Variants in ST6GALNAC3 observed in about 807,000 individuals in gnomAD.
ST6GALNAC3 encodes alpha-N-acetylgalactosaminide alpha-2,6-sialyltransferase 3.
A neutral mutation model predicts 32.7 loss-of-function variants in ST6GALNAC3; 25 were observed. The ratio of observed to expected loss-of-function variants is 0.76; its 90% CI spans 0.56 to 1.07. The LOEUF (loss-of-function observed/expected upper bound fraction) is 1.07. ST6GALNAC3 is among the 50% of genes least tolerant of loss of function. ST6GALNAC3 has a pLI of 0.00. For missense variants in ST6GALNAC3, 355 were observed against 382.4 expected, an observed-to-expected ratio of 0.93 and a Z score of 0.60; for synonymous variants, 129 against 133.1, an observed-to-expected ratio of 0.97 and a Z score of 0.21.
At chr1:76,156,128 G>T (rs1053620873) in intron 1 of ST6GALNAC3, among the ~76,000 whole-genome samples, 2 of 151,982 alleles carry the variant, frequency 1.3e-5, no homozygotes, top group African/African-American at 2.4e-5. Flanking sequence ...ATTAGACTGG[G>T]GTTATGGGTT....
intron 3 of ST6GALNAC3, among the ~76,000 whole-genome samples, chr1:76,486,928 C>T (rs976745157): frequency 6.6e-6 from 1 of 152,136 alleles, no homozygotes; most frequent in East Asian, 1.9e-4. Flanking sequence ...CTGGTGGTGA[C>T]AAAATCTCTC....
chr1:76,590,721 G>A (rs759089414), intron 3 of ST6GALNAC3, among the ~76,000 whole-genome samples: 45 of 152,194 alleles, frequency 3.0e-4, no homozygotes, highest in Non-Finnish European at 5.4e-4. Context: ...AGTTCTCTGT[G>A]ATACAGGAAA....
chr1:76,156,438 C>T (rs529918018), intron 1 of ST6GALNAC3, among the ~76,000 whole-genome samples: 6 of 152,178 alleles, frequency 3.9e-5, no homozygotes, highest in South Asian at 4.1e-4. Context: ...TCTCTTCTTC[C>T]CCATTTATTT....
intron 3 of ST6GALNAC3, among the ~76,000 whole-genome samples, chr1:76,560,196 T>A (rs150170158): frequency 1.9e-3 from 286 of 152,192 alleles, no homozygotes; most frequent in African/African-American, 6.6e-3. Flanking sequence ...CAAAATGGAT[T>A]TAAGACTTAA....
intron 2 of ST6GALNAC3, among the ~76,000 whole-genome samples, chr1:76,376,114 T>TAA (rs5775345): frequency 8.0e-5 from 12 of 150,254 alleles, no homozygotes; most frequent in African/African-American, 1.2e-4. Context: ...TTTTTTTTTT[T>TAA]AAAAAAAGAA....
intron 3 of ST6GALNAC3, among the ~76,000 whole-genome samples, chr1:76,576,248 A>G (rs1447175399): frequency 6.6e-6 from 1 of 152,070 alleles, no homozygotes; most frequent in Admixed American, 6.6e-5. Context: ...GTTTGCCTCC[A>G]TGATAGTGTT....
chr1:76,555,834 G>A (rs1488735585), intron 3 of ST6GALNAC3, among the ~76,000 whole-genome samples: 2 of 152,056 alleles, frequency 1.3e-5, no homozygotes, highest in African/African-American at 4.8e-5. Context: ...AATTCAATAA[G>A]AAATTCTGGG....
chr1:76,569,892 C>T (rs1665763935), intron 3 of ST6GALNAC3, among the ~76,000 whole-genome samples: 1 of 152,062 alleles, frequency 6.6e-6, no homozygotes, highest in Non-Finnish European at 1.5e-5. Flanking sequence ...CTCCTATGTT[C>T]TTGGATTTGA....
chr1:76,489,907 C>T (rs1020705629), intron 3 of ST6GALNAC3, among the ~76,000 whole-genome samples: 2 of 152,244 alleles, frequency 1.3e-5, no homozygotes, highest in East Asian at 1.9e-4. Flanking sequence ...AGAGATCCCC[C>T]GACAGGCCAT....
chr1:76,341,162 G>A (rs1647936328), intron 2 of ST6GALNAC3, among the ~76,000 whole-genome samples: 1 of 151,722 alleles, frequency 6.6e-6, no homozygotes, highest in African/African-American at 2.4e-5. Flanking sequence ...AGTGAATACA[G>A]AACCCTGTAG....
chr1:76,545,949 G>A (rs1279608786), intron 3 of ST6GALNAC3, among the ~76,000 whole-genome samples: 6 of 152,222 alleles, frequency 3.9e-5, no homozygotes, highest in East Asian at 1.9e-4. Flanking sequence ...GTGAGCCACC[G>A]CACTTGGCAG....
At chr1:76,628,229 A>T (rs2100728355) in intron 4 of ST6GALNAC3, among the ~76,000 whole-genome samples, 1 of 152,090 alleles carries the variant, frequency 6.6e-6, no homozygotes, top group Non-Finnish European at 1.5e-5. Context: ...CACAGTCTTC[A>T]TGAACAAATA....
intron 1 of ST6GALNAC3, among the ~76,000 whole-genome samples, chr1:76,237,831 G>A (rs1313675833): frequency 1.3e-5 from 2 of 152,258 alleles, no homozygotes; most frequent in Middle Eastern, 3.4e-3. Context: ...ATATCTTCTC[G>A]ATTTAGAAGA....
chr1:76,195,934 G>A (rs562735838), intron 1 of ST6GALNAC3, among the ~76,000 whole-genome samples: 245 of 152,330 alleles, frequency 1.6e-3, no homozygotes, highest in African/African-American at 5.6e-3. Flanking sequence ...AAGGAGAAAG[G>A]TTTTTGCAAG....
At chr1:76,331,830 A>T (rs937066782) in intron 2 of ST6GALNAC3, among the ~76,000 whole-genome samples, 2 of 152,146 alleles carry the variant, frequency 1.3e-5, no homozygotes, top group African/African-American at 4.8e-5. Flanking sequence ...TAGCTCAAGA[A>T]TTGCTAGCAA....
Position 76,592,868 on chromosome 1 carries a change from C to T in ST6GALNAC3, c.624-34584C>T, listed in dbSNP as rs115307694. Among the ~76,000 whole-genome samples the T allele has an allele frequency of 2.0e-3, 298 of 152,280 alleles. 2 individuals carry two copies. Among genetic ancestry groups the T allele is most frequent in the African/African-American group, 6.7e-3 (280 of 41,560 alleles). On this transcript the variant is annotated intron_variant, in intron 3 of 4. Coordinates refer to ENST00000328299, the MANE Select transcript of ST6GALNAC3 (RefSeq NM_152996.4). ...GGGACGCAGAGGAGAGGATGTGTGC[C>T]TTACATAACTTGGAATGGTGGGGAG...
intron 1 of ST6GALNAC3, among the ~76,000 whole-genome samples, chr1:76,139,538 A>G (rs1208246225): frequency 6.6e-6 from 1 of 152,172 alleles, no homozygotes; most frequent in Non-Finnish European, 1.5e-5. Flanking sequence ...AGCCAAGCTG[A>G]AAGCTTTTAA....
intron 1 of ST6GALNAC3, among the ~76,000 whole-genome samples, chr1:76,128,770 T>C (rs1649416716): frequency 6.6e-6 from 1 of 152,152 alleles, no homozygotes; most frequent in South Asian, 2.1e-4. Flanking sequence ...CCAAGAAAGA[T>C]GATCAGGCCT....
At chr1:76,429,377 A>T (rs963466865) in intron 3 of ST6GALNAC3, among the ~76,000 whole-genome samples, 1 of 152,118 alleles carries the variant, frequency 6.6e-6, no homozygotes, top group Admixed American at 6.6e-5. Flanking sequence ...AAATTTATAA[A>T]TTTCTTAGCC....
Sources: allele counts gnomAD v4.1 joint callset (sites outside exome capture counted in the v4.1 genomes callset), GRCh38; gene constraint gnomAD v4.1.1; transcripts MANE v1.5; gene names NCBI Gene and HGNC (gene_info 2026-07-23, HGNC 2026-07-21).